THBS4: variants seen among roughly 807,000 people sequenced by gnomAD.
THBS4 encodes thrombospondin-4.
A neutral mutation model predicts 115.7 loss-of-function variants in THBS4; 90 were observed. The observed-to-expected ratio is 0.78, with a 90% CI of 0.66 to 0.93. The LOEUF is 0.93. THBS4 is among the 40% of genes least tolerant of loss of function. THBS4 has a pLI of 0.00. For synonymous variants in THBS4, 460 were observed against 479.3 expected, an observed-to-expected ratio of 0.96 and a Z score of 0.53; for missense variants, 1,087 against 1,232.7, an observed-to-expected ratio of 0.88 and a Z score of 1.77.
intron 2 of THBS4, among the ~76,000 whole-genome samples, chr5:80,007,248 A>G (rs1054982295): frequency 6.6e-6 from 1 of 152,230 alleles, no homozygotes; most frequent in African/African-American, 2.4e-5. Context: ...TTTTTTTCAT[A>G]TGAATTTCAC....
At chr5:80,082,275 G>A (rs1743548900) in intron 20 of THBS4, 131 bp from the exon 21 acceptor site, 3 of 1,302,926 alleles carry the variant, frequency 2.3e-6, no homozygotes, top group South Asian at 2.9e-5. Context: ...CCAGGTCAGC[G>A]AAAAATGGAG....
chr5:80,007,767 G>A (rs1027540536), intron 2 of THBS4, among the ~76,000 whole-genome samples: 1 of 152,184 alleles, frequency 6.6e-6, no homozygotes, highest in Non-Finnish European at 1.5e-5. Flanking sequence ...CCCTGGGCTC[G>A]TGCACATAAC....
At chr5:80,007,918 G>A (rs1832049632) in intron 2 of THBS4, among the ~76,000 whole-genome samples, 1 of 152,134 alleles carries the variant, frequency 6.6e-6, no homozygotes, top group Admixed American at 6.5e-5. Context: ...GAGTAATTAA[G>A]GCAATAGATG....
intron 10 of THBS4, among the ~76,000 whole-genome samples, chr5:80,068,965 G>A (rs1017552549): frequency 1.3e-5 from 2 of 149,326 alleles, no homozygotes; most frequent in East Asian, 2.0e-4. Flanking sequence ...CCATTCCCAA[G>A]TCCAAGGATC....
chr5:80,006,229 C>A (rs2438618), intron 2 of THBS4, among the ~76,000 whole-genome samples: 32,972 of 152,050 alleles, frequency 0.22, 3,770 homozygotes, highest in South Asian at 0.29. Flanking sequence ...GGCTTTGTGT[C>A]CCCACCCAAA....
At chr5:80,032,432 G>A (rs535651091), upstream of THBS4, among the ~76,000 whole-genome samples, 8 of 152,280 alleles carry the variant, frequency 5.3e-5, 1 homozygote, top group South Asian at 1.7e-3. Flanking sequence ...GAACTAACAG[G>A]ATAGATAGGA....
intron 1 of THBS4, among the ~76,000 whole-genome samples, chr5:80,038,522 T>C (rs904738504): frequency 1.8e-4 from 27 of 152,278 alleles, no homozygotes; most frequent in Middle Eastern, 3.4e-3. Flanking sequence ...TGTCACAGGA[T>C]GGTTTGGGAT....
chr5:80,032,813 C>T (rs1051275652), upstream of THBS4, among the ~76,000 whole-genome samples: 1 of 152,182 alleles, frequency 6.6e-6, no homozygotes, highest in Non-Finnish European at 1.5e-5. Flanking sequence ...GTCCGCCTTT[C>T]CCAGTCCACT....
At chr5:80,013,691 C>A (rs1032218011) in intron 2 of THBS4, among the ~76,000 whole-genome samples, 5 of 152,052 alleles carry the variant, frequency 3.3e-5, no homozygotes, top group Admixed American at 3.3e-4. Context: ...GGGTTTAAAC[C>A]CCAGCTCTAC....
At chr5:80,022,084 G>A (rs968443322) in intron 2 of THBS4, among the ~76,000 whole-genome samples, 3 of 151,942 alleles carry the variant, frequency 2.0e-5, no homozygotes, top group Non-Finnish European at 2.9e-5. Flanking sequence ...TTTCACCCTA[G>A]GATGTCTTTT....
At chr5:80,070,138 T>C (rs543127389) in intron 10 of THBS4, among the ~76,000 whole-genome samples, 168 bp from the exon 11 acceptor site, 7 of 152,070 alleles carry the variant, frequency 4.6e-5, no homozygotes, top group Non-Finnish European at 7.3e-5. Flanking sequence ...TAGTGAACCA[T>C]TACACTATTC....
chr5:80,072,217 C>G, intron 13 of THBS4, 61 bp from the exon 14 acceptor site: 6 of 1,484,840 alleles, frequency 4.0e-6, no homozygotes, highest in Non-Finnish European at 5.6e-6. Context: ...CCTGATCTCT[C>G]CAGCACCTAG....
At chr5:79,992,907 C>G (rs1364811946) in intron 1 of THBS4, among the ~76,000 whole-genome samples, 1 of 152,208 alleles carries the variant, frequency 6.6e-6, no homozygotes, top group Non-Finnish European at 1.5e-5. Flanking sequence ...TGGAACCTCC[C>G]TGTTTTGAGG....
chr5:80,013,456 T>G (rs1246775190), intron 2 of THBS4, among the ~76,000 whole-genome samples: 1 of 152,132 alleles, frequency 6.6e-6, no homozygotes, highest in African/African-American at 2.4e-5. Flanking sequence ...TGTAATTTCT[T>G]AAACCCAAAG....
In THBS4 at chr5:80,070,636, C is replaced by T. The variant is rs1561323490; in HGVS notation, c.1453-7C>T. 2.5e-6 allele frequency: 4 copies of T among 1,613,396 alleles called. No individual in the cohort carries two copies. The East Asian group carries it at 6.7e-5, about 27-fold the overall frequency. Reference sequence around the variant, plus strand: ...GATGTCACTCGGAACTGCATTTTCCCCCTAAGGACAACTGCAAATATGTGC... The same window carrying T: ...GATGTCACTCGGAACTGCATTTTCCTCCTAAGGACAACTGCAAATATGTGC... On this transcript the variant is annotated splice_polypyrimidine_tract_variant and splice_region_variant and intron_variant, in intron 11 of 21. Coordinates refer to ENST00000350881, the MANE Select transcript of THBS4 (RefSeq NM_003248.6).
At chr5:80,060,356 G>A (rs1833590377) in intron 7 of THBS4, among the ~76,000 whole-genome samples, 1 of 152,204 alleles carries the variant, frequency 6.6e-6, no homozygotes, top group African/African-American at 2.4e-5. Context: ...GGGAGGCCCT[G>A]TAACCTATGA....
chr5:80,078,200 C>G lies in THBS4; in HGVS notation c.2238C>G (p.Ile746Met), dbSNP rs762482150. ...TGGATCCTGAAGGGGATGCCCAGAT[C>G]GATCCCAACTGGGTGGTCCTGAACC... ...VVLDPEGDAQIDPNWVVLNQG... is the reference protein window; with the variant it reads ...VVLDPEGDAQMDPNWVVLNQG... The change falls in exon 17 of 22, where the codon ATC (isoleucine) becomes ATG (methionine). Residue 746 changes from isoleucine (I) to methionine (M), a missense_variant. Coordinates refer to ENST00000350881, the MANE Select transcript of THBS4 (RefSeq NM_003248.6). 1.2e-6 allele frequency: 2 copies of G among 1,602,230 alleles called. No homozygotes were observed. Among genetic ancestry groups the G allele is most frequent in the South Asian group, 1.1e-5 (1 of 89,598 alleles).
At chr5:80,002,398 G>A (rs186768749) in intron 2 of THBS4, among the ~76,000 whole-genome samples, 83 of 152,152 alleles carry the variant, frequency 5.5e-4, no homozygotes, top group Non-Finnish European at 5.9e-5. Flanking sequence ...CAGTCACTAA[G>A]GATGACTCTC....
chr5:80,080,648 G>A (rs923744477), intron 20 of THBS4, among the ~76,000 whole-genome samples: 8 of 142,482 alleles, frequency 5.6e-5, no homozygotes, highest in East Asian at 2.1e-4. Flanking sequence ...GTACTGTGGC[G>A]TGATCTCAGC....
Sources: gnomAD v4.1 joint callset for allele counts (sites outside exome capture counted in the v4.1 genomes callset) on GRCh38, gnomAD v4.1.1 for gene constraint, MANE v1.5 for transcripts, NCBI Gene and HGNC (gene_info 2026-07-23, HGNC 2026-07-21) for gene names.